Variants in ACP6 observed in about 807,000 individuals in gnomAD.
ACP6 encodes the protein lysophosphatidic acid phosphatase type 6.
ACP6 carries 48 observed loss-of-function variants against 48.1 expected under a neutral mutation model. The observed-to-expected ratio is 1.00, with a 90% CI of 0.79 to 1.27. The LOEUF is 1.27. Ranked by LOEUF, ACP6 falls within the 50% of genes most tolerant of loss-of-function variation. The probability of loss-of-function intolerance (pLI) is 0.00; values close to 1 mark genes in which losing one functional copy is unlikely to be tolerated. For missense variants in ACP6, 485 were observed against 529.1 expected (o/e 0.92, Z 0.82); for synonymous variants, 172 against 204.2 (o/e 0.84, Z 1.34).
intron 8 of ACP6, chr1:147,649,920 G>C (rs1659829339): frequency 1.3e-5 from 7 of 522,864 alleles, no homozygotes; most frequent in African/African-American, 2.0e-5. Flanking sequence ...AAAAAAAAGA[G>C]AGAGAGAAAG....
intron 9 of ACP6, chr1:147,647,965 C>T (rs971216903): frequency 2.2e-5 from 11 of 506,764 alleles, no homozygotes; most frequent in African/African-American, 1.3e-4. Flanking sequence ...AGCCAGGAGG[C>T]GACATCCTGA....
chr1:147,666,446 T>G (rs1553213646), intron 1 of ACP6, among the ~76,000 whole-genome samples: 2 of 152,078 alleles, frequency 1.3e-5, no homozygotes, highest in East Asian at 1.9e-4. Flanking sequence ...AAAGAACAAA[T>G]CTACATAAAA....
chr1:147,658,481 C>A (rs1039410868), intron 4 of ACP6, among the ~76,000 whole-genome samples: 4 of 152,270 alleles, frequency 2.6e-5, no homozygotes, highest in Admixed American at 2.0e-4. Context: ...CTGACTGCAA[C>A]CATTCAGGGG....
At chr1:147,663,308 T>C (rs1660638726) in intron 1 of ACP6, among the ~76,000 whole-genome samples, 1 of 151,886 alleles carries the variant, frequency 6.6e-6, no homozygotes, top group Admixed American at 6.6e-5. Context: ...GTGCAGTAAA[T>C]GGGGAAAGAG....
intron 6 of ACP6, among the ~76,000 whole-genome samples, chr1:147,653,458 A>G (rs2148907134): frequency 6.7e-6 from 1 of 149,820 alleles, no homozygotes; most frequent in South Asian, 2.1e-4. Flanking sequence ...AAAAAAGATG[A>G]ATAAAATACA....
chr1:147,655,407 G>T (rs1248425348), intron 4 of ACP6, among the ~76,000 whole-genome samples, 159 bp from the exon 5 acceptor site: 1 of 152,178 alleles, frequency 6.6e-6, no homozygotes, highest in Non-Finnish European at 1.5e-5. Context: ...CCTTCAACAT[G>T]CCCTGGCCCT....
chr1:147,669,929 C>G lies in ACP6; in HGVS notation c.120G>C (p.Gln40His), dbSNP rs1553214377. ...ALAELQEADGQCPVDRSLLKL... is the reference protein window; with the variant it reads ...ALAELQEADGHCPVDRSLLKL... ...TCAGCAGGCTGCGGTCGACCGGACA[C>G]TGGCCATCGGCCTCCTGCAGCTCGG... The change falls in exon 1 of 10, where the codon CAG becomes CAC. Residue 40 changes from glutamine (Q) to histidine (H), a missense_variant. Coordinates refer to ENST00000583509, the MANE Select transcript of ACP6 (RefSeq NM_016361.5). 2 of 1,566,036 alleles carry G rather than the reference C, an allele frequency of 1.3e-6. No homozygotes were observed. Among genetic ancestry groups the G allele is most frequent in the Non-Finnish European group, 1.7e-6 (2 of 1,155,096 alleles).
chr1:147,650,218 A>G lies in ACP6; in HGVS notation c.902T>C (p.Val301Ala). The part of the protein sequence containing the change: ...KEDRESLQMA[V>A]GPFLHILESN... ...CTCTAGGATGTGGAGGAATGGGCCT[A>G]CTGCCATCTGAAGACTTTCCCTGTG... The change falls in exon 8 of 10, where the codon GTA becomes GCA. Residue 301 changes from valine to alanine, a missense_variant. Physicochemically the swap from Val to Ala is moderately conservative, Grantham distance 64 (BLOSUM62 0). Coordinates refer to ENST00000583509, the MANE Select transcript of ACP6 (RefSeq NM_016361.5). 1 of 1,602,206 alleles carries G rather than the reference A, an allele frequency of 6.2e-7. No individual in the cohort carries two copies. Among genetic ancestry groups the G allele is most frequent in the African/African-American group, 1.3e-5 (1 of 74,304 alleles).
downstream of ACP6, among the ~76,000 whole-genome samples, chr1:147,641,900 G>A (rs1233641931): frequency 1.3e-5 from 2 of 152,192 alleles, no homozygotes; most frequent in Admixed American, 1.3e-4. Flanking sequence ...CATCCCCAAA[G>A]GCTCCCTTGG....
In ACP6 at chr1:147,669,919, C is replaced by A. The variant is rs781843953; in HGVS notation, c.130G>T (p.Asp44Tyr). Residue 44 changes from aspartate (D) to tyrosine (Y), a missense_variant, in exon 1 of 10, where the codon GAC becomes TAC. By Grantham distance (160) the Asp-to-Tyr change is radical. Coordinates refer to ENST00000583509, the MANE Select transcript of ACP6 (RefSeq NM_016361.5). ...ATTTTCAACTTCAGCAGGCTGCGGT[C>A]GACCGGACACTGGCCATCGGCCTCC... Reference protein sequence around the residue: ...LQEADGQCPVDRSLLKLKMVQ... With the variant: ...LQEADGQCPVYRSLLKLKMVQ... 4 of 1,580,512 alleles carry A rather than the reference C, an allele frequency of 2.5e-6. No individual in the cohort carries two copies. Among genetic ancestry groups the A allele is most frequent in the East Asian group, 4.6e-5 (2 of 43,468 alleles).
At chr1:147,639,520 A>C (rs1659394553), downstream of ACP6, among the ~76,000 whole-genome samples, 1 of 151,782 alleles carries the variant, frequency 6.6e-6, no homozygotes, top group African/African-American at 2.4e-5. Context: ...GTGTTATACA[A>C]CCCTCCCCTT....
intron 5 of ACP6, among the ~76,000 whole-genome samples, chr1:147,635,676 T>C (rs1049908875): frequency 6.6e-6 from 1 of 152,174 alleles, no homozygotes; most frequent in Non-Finnish European, 1.5e-5. Context: ...CAGGGATGAA[T>C]GAGCAGTTTG....
rs1659501718 is a variant in ACP6 at position 147,642,994 on chromosome 1, C to T, written c.*4429G>A. On this transcript the variant is annotated 3_prime_UTR_variant, in exon 10 of 10. Coordinates refer to ENST00000583509, the MANE Select transcript of ACP6 (RefSeq NM_016361.5). Reference sequence around the variant, plus strand: ...CAGCAGCATTGGTTTCTTCTGAGGCCTCTCTCCTTGACTTGCAGATAGTCA... The same window carrying T: ...CAGCAGCATTGGTTTCTTCTGAGGCTTCTCTCCTTGACTTGCAGATAGTCA... The T allele has an allele frequency of 1.3e-5, 2 of 152,304 alleles. No individual in the cohort carries two copies. The highest frequency in any genetic ancestry group is 4.8e-5 in the African/African-American group (2 of 41,542). The allele number at this position is 152,304 out of a possible 1,614,324, so 9.4% of individuals were successfully genotyped here. A position where few individuals can be genotyped will look rare whatever the true frequency, so the allele number is the denominator to read the frequency against.
At chr1:147,652,752 G>GTA in intron 6 of ACP6, 1 of 372,038 alleles carries the variant, frequency 2.7e-6, no homozygotes, top group Non-Finnish European at 3.7e-6. Context: ...CTGAAGGCCA[G>GTA]GAAAAAAAAA....
chr1:147,654,240 T>C lies in ACP6; in HGVS notation c.734A>G (p.Asp245Gly). 1.9e-6 allele frequency: 3 copies of C among 1,614,202 alleles called. No individual in the cohort carries two copies. Among genetic ancestry groups the C allele is most frequent in the African/African-American group, 2.7e-5 (2 of 75,050 alleles). ...VKDRMGIDSS[D>G]KVDFFILLDN... ...CAGGAGGATGAAGAAGTCCACTTTA[T>C]CACTACTGTCAATGCCCATCCTGTC... Residue 245 changes from aspartate to glycine, a missense_variant, in exon 6 of 10, where the codon GAT becomes GGT. By Grantham distance (94) the Asp-to-Gly change is moderately conservative (BLOSUM62 -1). Transcript: ENST00000583509.
At chr1:147,651,059 T>C (rs1316558820) in intron 7 of ACP6, 2 of 152,100 alleles carry the variant, frequency 1.3e-5, no homozygotes, top group African/African-American at 2.4e-5. Flanking sequence ...GTTGCCATGA[T>C]TGGCTTAGAC....
chr1:147,669,672 C>G (rs1373594777), intron 1 of ACP6, among the ~76,000 whole-genome samples, 158 bp downstream of exon 1: 1 of 152,214 alleles, frequency 6.6e-6, no homozygotes, highest in East Asian at 1.9e-4. Flanking sequence ...TGCTCAAGAG[C>G]CTGGGGAGTC....
Position 147,646,105 on chromosome 1 carries a change from CTG to C in ACP6, c.*1316_*1317del, listed in dbSNP as rs1659613499. ...AATAGGAAATACAGTAACCAGCAGA[CTG>C]AGGATGGGAAGGGGATGCTGAAGAT... On this transcript the variant is annotated 3_prime_UTR_variant, in exon 10 of 10. Coordinates refer to ENST00000583509, the MANE Select transcript of ACP6 (RefSeq NM_016361.5). 5 of 152,008 alleles carry C rather than the reference CTG, an allele frequency of 3.3e-5. No homozygotes were observed. Among genetic ancestry groups the C allele is most frequent in the Admixed American group, 3.3e-4 (5 of 15,256 alleles). The allele number at this position is 152,008 out of a possible 1,614,324, so 9.4% of individuals were successfully genotyped here.
rs139184815 is a variant in ACP6 at position 147,629,809 on chromosome 1, C to G, written c.*1244G>C. On this transcript the variant is annotated 3_prime_UTR_variant, in exon 6 of 6. Transcript: ENST00000609196. The stretch of plus-strand genomic sequence containing the variant: ...CTATAAGGATTGTAATAAAAGTTGT[C>G]TCTATTTAACATGGCTTCTTATTTG... The G allele has an allele frequency of 4.4e-3, 664 of 152,250 alleles. 2 individuals carry two copies. The highest frequency in any genetic ancestry group is 0.015 in the African/African-American group (623 of 41,544). The allele number at this position is 152,250 out of a possible 1,614,324, so 9.4% of individuals were successfully genotyped here.
Sources: gnomAD v4.1 joint callset for allele counts (sites outside exome capture counted in the v4.1 genomes callset) on GRCh38, gnomAD v4.1.1 for gene constraint, MANE v1.5 for transcripts, NCBI Gene and HGNC (gene_info 2026-07-23, HGNC 2026-07-21) for gene names.